Variants in AGBL1 observed in about 807,000 individuals in gnomAD.
AGBL1 encodes the protein AGBL carboxypeptidase 1, also known as cytosolic carboxypeptidase 4.
AGBL1 carries 130 observed loss-of-function variants against 118.9 expected under a neutral mutation model. That is an observed-to-expected ratio of 1.09 (90% CI 0.95 to 1.26). The LOEUF (loss-of-function observed/expected upper bound fraction) is 1.26. Ranked by LOEUF, AGBL1 falls within the 50% of genes most tolerant of loss-of-function variation. The pLI is 0.00. For missense variants in AGBL1, 1,584 were observed against 1,298.1 expected, an observed-to-expected ratio of 1.22 and a Z score of -3.38; for synonymous variants, 555 against 478.9, an observed-to-expected ratio of 1.16 and a Z score of -2.08.
At chr15:86,301,831 A>G (rs1328665853) in intron 17 of AGBL1, among the ~76,000 whole-genome samples, 1 of 151,834 alleles carries the variant, frequency 6.6e-6, no homozygotes, top group African/African-American at 2.4e-5. Flanking sequence ...ACCTGTATAA[A>G]CTCCACGTGC....
chr15:86,930,249 C>A (rs574658847), intron 23 of AGBL1, among the ~76,000 whole-genome samples: 1 of 152,162 alleles, frequency 6.6e-6, no homozygotes, highest in Admixed American at 6.6e-5. Context: ...GTCACCAACT[C>A]TGAAAAACCC....
intron 22 of AGBL1, among the ~76,000 whole-genome samples, chr15:86,696,374 T>C (rs1211566924): frequency 3.3e-5 from 5 of 152,054 alleles, no homozygotes; most frequent in African/African-American, 7.2e-5. Flanking sequence ...CTTTAAAGTT[T>C]GTTTCATCTG....
At chr15:86,521,218 G>C (rs979405162) in intron 18 of AGBL1, among the ~76,000 whole-genome samples, 2 of 152,204 alleles carry the variant, frequency 1.3e-5, no homozygotes, top group African/African-American at 4.8e-5. Flanking sequence ...AAATGAATAA[G>C]TGGTAAAAGG....
chr15:86,211,659 T>C (rs957172162), intron 5 of AGBL1, among the ~76,000 whole-genome samples: 5 of 152,208 alleles, frequency 3.3e-5, no homozygotes, highest in Admixed American at 3.3e-4. Context: ...GCATGGGATA[T>C]AATCTCCTGG....
rs187144217 is a variant in AGBL1, at chr15:86,750,993, G to A, written c.3158+76557G>A. ...TCTCATTCTTTTTTGTGGCTGCATA[G>A]CATTCCATGGTGTATGTGTACCACA... is the stretch of plus-strand genomic sequence containing the variant. On this transcript the variant is annotated intron_variant, in intron 22 of 22. Transcript: ENST00000614907. 1.2e-4 allele frequency among the ~76,000 whole-genome samples: 19 copies of A among 152,182 alleles called. No homozygotes were observed. In the South Asian group the frequency reaches 3.7e-3, roughly 30 times the overall value.
At chr15:86,722,401 T>C (rs2086738586) in intron 22 of AGBL1, among the ~76,000 whole-genome samples, 1 of 152,106 alleles carries the variant, frequency 6.6e-6, no homozygotes, top group South Asian at 2.1e-4. Context: ...AAACAAGCAA[T>C]GGGGAAAGGA....
At chr15:86,888,295 C>G (rs545600799) in intron 22 of AGBL1, among the ~76,000 whole-genome samples, 4 of 151,866 alleles carry the variant, frequency 2.6e-5, no homozygotes, top group Admixed American at 2.0e-4. Context: ...TTAGGGCTAC[C>G]TCATAGAAAG....
intron 5 of AGBL1, among the ~76,000 whole-genome samples, chr15:86,212,055 C>T (rs747157594): frequency 8.5e-5 from 13 of 152,306 alleles, no homozygotes; most frequent in Non-Finnish European, 1.3e-4. Context: ...CTTTGTAGTA[C>T]ACCTTCTATG....
chr15:86,723,227 C>A (rs1400585627), intron 22 of AGBL1, among the ~76,000 whole-genome samples: 2 of 152,282 alleles, frequency 1.3e-5, no homozygotes, highest in East Asian at 3.9e-4. Context: ...TGGCACTATT[C>A]ACAATAGCAA....
intron 22 of AGBL1, among the ~76,000 whole-genome samples, chr15:86,788,367 A>G (rs879154532): frequency 6.6e-6 from 1 of 152,236 alleles, no homozygotes; most frequent in Admixed American, 6.5e-5. Context: ...ACACATGAAG[A>G]TGACACAGAA....
intron 22 of AGBL1, among the ~76,000 whole-genome samples, chr15:86,775,822 C>T (rs1053802971): frequency 2.0e-5 from 3 of 151,974 alleles, no homozygotes; most frequent in Non-Finnish European, 2.9e-5. Flanking sequence ...ATGACAGACA[C>T]CTATGTACTC....
At chr15:86,097,192 C>T (rs1410596406) in intron 1 of AGBL1, among the ~76,000 whole-genome samples, 1 of 152,110 alleles carries the variant, frequency 6.6e-6, no homozygotes, top group Non-Finnish European at 1.5e-5. Flanking sequence ...AGAATTGATA[C>T]ATCATATTTT....
intron 18 of AGBL1, among the ~76,000 whole-genome samples, chr15:86,498,732 T>C (rs987100366): frequency 9.2e-5 from 14 of 151,942 alleles, no homozygotes; most frequent in African/African-American, 3.4e-4. Context: ...AGAATAATCA[T>C]CATCAATTTA....
At chr15:86,679,296 A>C (rs1195850091) in intron 22 of AGBL1, among the ~76,000 whole-genome samples, 1 of 152,050 alleles carries the variant, frequency 6.6e-6, no homozygotes, top group African/African-American at 2.4e-5. Flanking sequence ...GTAGTTCCTG[A>C]ATATATCATC....
At chr15:86,605,149 T>A (rs549729282) in intron 21 of AGBL1, among the ~76,000 whole-genome samples, 7 of 152,168 alleles carry the variant, frequency 4.6e-5, no homozygotes, top group South Asian at 2.1e-4. Context: ...ATATTTTTTT[T>A]AAAAAGAACA....
At chr15:86,113,448 C>T (rs886380888) in intron 1 of AGBL1, among the ~76,000 whole-genome samples, 26 of 151,744 alleles carry the variant, frequency 1.7e-4, no homozygotes, top group African/African-American at 5.8e-4. Context: ...CCACCATGCC[C>T]GGCTCTTTTG....
intron 17 of AGBL1, among the ~76,000 whole-genome samples, chr15:86,376,190 G>T (rs144994780): frequency 6.6e-5 from 10 of 152,340 alleles, no homozygotes; most frequent in African/African-American, 2.4e-4. Flanking sequence ...TGCCACTGAT[G>T]TCAGAATCAG....
chr15:86,466,280 A>AT (rs1457483493), intron 18 of AGBL1, among the ~76,000 whole-genome samples: 3 of 151,708 alleles, frequency 2.0e-5, no homozygotes, highest in African/African-American at 7.3e-5. Context: ...TGCTTCATCG[A>AT]TTTGTCTATT....
intron 7 of AGBL1, among the ~76,000 whole-genome samples, chr15:86,255,058 A>G (rs2078873166): frequency 6.6e-6 from 1 of 152,222 alleles, no homozygotes; most frequent in African/African-American, 2.4e-5. Flanking sequence ...AACAAAAAAG[A>G]CATGATTATC....
Sources: allele counts gnomAD v4.1 joint callset (sites outside exome capture counted in the v4.1 genomes callset), GRCh38; gene constraint gnomAD v4.1.1; transcripts MANE v1.5; gene names NCBI Gene and HGNC (gene_info 2026-07-23, HGNC 2026-07-21).